DPPA4: variants seen among roughly 807,000 people sequenced by gnomAD.
DPPA4 encodes the protein developmental pluripotency-associated protein 4.
In DPPA4, 22 loss-of-function variants were observed where a neutral mutation model predicts 33.7. The observed-to-expected ratio is 0.65, with a 90% CI of 0.47 to 0.93. The LOEUF is 0.93. DPPA4 is among the 40% of genes least tolerant of loss of function. DPPA4 has a pLI of 0.00. For synonymous variants in DPPA4, 156 were observed against 132.3 expected, an observed-to-expected ratio of 1.18 and a Z score of -1.23; for missense variants, 340 against 358.6, an observed-to-expected ratio of 0.95 and a Z score of 0.42.
rs2068826990 is a variant in DPPA4, at chr3:109,327,518, A to C, written c.*470T>G. The C allele has an allele frequency of 6.5e-6, 1 of 153,298 alleles. No individual in the cohort carries two copies. Among genetic ancestry groups the C allele is most frequent in the Non-Finnish European group, 1.5e-5 (1 of 68,934 alleles). 9.5% of individuals were successfully genotyped at this position (153,298 alleles called of 1,614,324 possible). A position where few individuals can be genotyped will look rare whatever the true frequency, so the allele number is the denominator to read the frequency against. Reference sequence around the variant, plus strand: ...AAACCCCATCTCTACTAAAAATACAAAAAATTAGCTGGGTGTGGTGGCAGG... The same window carrying C: ...AAACCCCATCTCTACTAAAAATACACAAAATTAGCTGGGTGTGGTGGCAGG... On this transcript the variant is annotated 3_prime_UTR_variant, in exon 7 of 7. Transcript: ENST00000335658.
At position 109,327,122 on chromosome 3, in the gene DPPA4, C is replaced by G. The variant is rs749314774; in HGVS notation, c.*866G>C. 2.0e-5 allele frequency: 3 copies of G among 151,670 alleles called. No individual in the cohort carries two copies. Among genetic ancestry groups the G allele is most frequent in the Non-Finnish European group, 4.4e-5 (3 of 68,010 alleles). The allele number at this position is 151,670 out of a possible 1,614,324, so 9.4% of individuals were successfully genotyped here. A position where few individuals can be genotyped will look rare whatever the true frequency, so the allele number is the denominator to read the frequency against. The stretch of plus-strand genomic sequence containing the variant: ...GTCCCTTGTGTTTTGATCCTGGAGT[C>G]AAACCATAGAAATCTCAGGTTATTA... On this transcript the variant is annotated 3_prime_UTR_variant, in exon 7 of 7. Transcript: ENST00000335658.
At chr3:109,330,962 A>C in intron 4 of DPPA4, 150 bp from the exon 5 acceptor site, 3 of 792,738 alleles carry the variant, frequency 3.8e-6, no homozygotes, top group Non-Finnish European at 5.8e-6. Context: ...TACATAGTTA[A>C]TAACAATGTA....
At position 109,333,932 on chromosome 3, in the gene DPPA4, A is replaced by C; in HGVS notation, c.116T>G (p.Ile39Ser). 1 of 1,614,088 alleles carries C rather than the reference A, an allele frequency of 6.2e-7. No homozygotes were observed. The highest frequency in any genetic ancestry group is 8.5e-7 in the Non-Finnish European group (1 of 1,180,012). ...DQQASNQPNS[I>S]ALPGTSAKRT... ...CTTTGCTGATGTTCCTGGCAAAGCA[A>C]TTGAATTTGGTTGATTAGAAGCCTG... The change falls in exon 2 of 7, where the codon ATT becomes AGT. Residue 39 changes from isoleucine (I) to serine (S), a missense_variant. This residue lies in a region of DPPA4 where 96 missense variants were observed against 91.8 expected (regional missense o/e 1.05). Coordinates refer to ENST00000335658, the MANE Select transcript of DPPA4 (RefSeq NM_018189.4).
rs112515620 is a variant in DPPA4, at chr3:109,327,562, C to A, written c.*426G>T. 9,109 of 156,950 alleles carry A rather than the reference C, an allele frequency of 0.058. 835 individuals carry two copies. Among genetic ancestry groups the A allele is most frequent in the African/African-American group, 0.2 (8,435 of 41,458 alleles). 9.7% of individuals were successfully genotyped at this position (156,950 alleles called of 1,614,324 possible). Reference sequence around the variant, plus strand: ...TGGCAGGTGCCTGTACCTAGCTACTCAGGAGGCTGAGGCAGGAGAATCATT... The same window carrying A: ...TGGCAGGTGCCTGTACCTAGCTACTAAGGAGGCTGAGGCAGGAGAATCATT... On this transcript the variant is annotated 3_prime_UTR_variant, in exon 7 of 7. Transcript: ENST00000335658.
At chr3:109,338,550 T>TC (rs1160190000), upstream of DPPA4, among the ~76,000 whole-genome samples, 1 of 152,070 alleles carries the variant, frequency 6.6e-6, no homozygotes, top group African/African-American at 2.4e-5. Context: ...TGTTTTTTTT[T>TC]CCTACATCTC....
At chr3:109,332,113 T>C (rs1420375867) in intron 2 of DPPA4, 82 bp from the exon 3 acceptor site, 5 of 1,338,820 alleles carry the variant, frequency 3.7e-6, no homozygotes, top group Non-Finnish European at 2.0e-6. Flanking sequence ...ACTTTTTTTT[T>C]CTTTTTTGAG....
At chr3:109,328,353 A>G (rs1020168038) in intron 6 of DPPA4, among the ~76,000 whole-genome samples, 1 of 152,178 alleles carries the variant, frequency 6.6e-6, no homozygotes, top group East Asian at 1.9e-4. Context: ...AGAGATTATC[A>G]AAACACTCAC....
At chr3:109,334,741 T>C (rs1183730036) in intron 1 of DPPA4, among the ~76,000 whole-genome samples, 1 of 152,196 alleles carries the variant, frequency 6.6e-6, no homozygotes, top group East Asian at 1.9e-4. Flanking sequence ...TCTTATCTCC[T>C]ATTTCACACT....
In DPPA4 at chr3:109,331,988, T is replaced by C. The variant is rs1444297684; in HGVS notation, c.222A>G (p.Arg74=). The part of the protein sequence containing the change: ...KKKAEHTDNP[R]PQKKIPIPPL... ...GAGGGATTGGTATCTTCTTCTGAGGTCTGGGGTTGTCAGTGTGCTCTGCCT... is the reference window on the plus strand; with the variant it reads ...GAGGGATTGGTATCTTCTTCTGAGGCCTGGGGTTGTCAGTGTGCTCTGCCT... The change falls in exon 3 of 7, where the codon AGA becomes AGG. Residue 74 remains arginine, a synonymous_variant. Transcript: ENST00000335658. 6.2e-7 allele frequency: 1 copy of C among 1,614,060 alleles called. No homozygotes were observed. The highest frequency in any genetic ancestry group is 8.5e-7 in the Non-Finnish European group (1 of 1,179,972).
At chr3:109,332,104 CTTT>C in intron 2 of DPPA4, 73 bp from the exon 3 acceptor site, 2 of 1,301,678 alleles carry the variant, frequency 1.5e-6, no homozygotes, top group South Asian at 1.5e-5. Context: ...AGTAAAATCA[CTTT>C]TTTTTTCTTT....
At chr3:109,337,106 G>A (rs570993836) in intron 1 of DPPA4, among the ~76,000 whole-genome samples, 1 of 151,722 alleles carries the variant, frequency 6.6e-6, no homozygotes, top group South Asian at 2.1e-4. Flanking sequence ...CTCCATTTTG[G>A]TCAGGCTGGT....
chr3:109,328,854 C>A, intron 6 of DPPA4, 36 bp downstream of exon 6: 1 of 1,568,510 alleles, frequency 6.4e-7, no homozygotes, highest in Middle Eastern at 1.7e-4. Flanking sequence ...AATCCGGCAC[C>A]CACTTTTAGT....
intron 5 of DPPA4, 191 bp downstream of exon 5, chr3:109,330,311 AAAAAAAAAAAAAAAAAAAAAGG>A (rs1416411650): frequency 2.5e-4 from 7 of 28,046 alleles, no homozygotes; most frequent in Non-Finnish European, 2.9e-4. Flanking sequence ...AAAAAAAAAA[AAAAAAAAAAAAAAAAAAAAAGG>A]AAAAAAAAAA....
At chr3:109,334,105 T>C in intron 1 of DPPA4, 112 bp from the exon 2 acceptor site, 1 of 1,136,336 alleles carries the variant, frequency 8.8e-7, no homozygotes, top group Non-Finnish European at 1.2e-6. Flanking sequence ...TGGACTCCAC[T>C]GGCAGTGTGG....
chr3:109,328,538 A>C (rs986033544), intron 6 of DPPA4, among the ~76,000 whole-genome samples: 1 of 152,100 alleles, frequency 6.6e-6, no homozygotes, highest in Non-Finnish European at 1.5e-5. Flanking sequence ...TCATCATGTT[A>C]TTCTAGGTGT....
At chr3:109,339,306 A>G (rs1708268772), upstream of DPPA4, among the ~76,000 whole-genome samples, 2 of 151,938 alleles carry the variant, frequency 1.3e-5, no homozygotes, top group East Asian at 1.9e-4. Context: ...TTTAAACCCA[A>G]CCTCCCCTTC....
At chr3:109,334,593 A>T (rs1559710619) in intron 1 of DPPA4, among the ~76,000 whole-genome samples, 1 of 151,920 alleles carries the variant, frequency 6.6e-6, no homozygotes. Flanking sequence ...ACCTGGCAGA[A>T]TTTTTTCCCC....
At chr3:109,328,080 G>T in intron 6 of DPPA4, 56 bp from the exon 7 acceptor site, 1 of 1,160,200 alleles carries the variant, frequency 8.6e-7, no homozygotes, top group Admixed American at 1.8e-5. Context: ...ATTAAAAATA[G>T]CCAAGAAACC....
chr3:109,332,553 G>A (rs1708106025), intron 2 of DPPA4, among the ~76,000 whole-genome samples: 1 of 152,094 alleles, frequency 6.6e-6, no homozygotes, highest in Admixed American at 6.6e-5. Flanking sequence ...TGGCATCGGA[G>A]GTTGCACTTC....
Sources: gnomAD v4.1 joint callset for allele counts (sites outside exome capture counted in the v4.1 genomes callset) on GRCh38, gnomAD v4.1.1 for gene constraint, gnomAD v4.1.1 regional missense constraint, MANE v1.5 for transcripts, NCBI Gene and HGNC (gene_info 2026-07-23, HGNC 2026-07-21) for gene names.